The following PLD3 variants were observed in gnomAD, a reference collection of about 807,000 sequenced individuals.
PLD3 encodes the protein 5'-3' exonuclease PLD3.
Under a neutral mutation model 58.4 loss-of-function variants are expected in PLD3, and 31 were observed. That is an observed-to-expected ratio of 0.53 (90% CI 0.40 to 0.72). The LOEUF (loss-of-function observed/expected upper bound fraction) is 0.72, where lower values mean the gene tolerates loss of function less well. Ranked by LOEUF, PLD3 falls within the 30% of genes least tolerant of loss-of-function variation. PLD3 has a pLI of 0.00. For missense variants in PLD3, 595 were observed against 659.8 expected (o/e 0.90, Z 1.08); for synonymous variants, 264 against 273.4 (o/e 0.97, Z 0.34).
intron 3 of PLD3, 36 bp downstream of exon 3, chr19:40,366,546 G>T: frequency 6.2e-7 from 1 of 1,602,532 alleles, no homozygotes; most frequent in Non-Finnish European, 8.5e-7. Context: ...GGTGGAACTG[G>T]GTACAGTGGG....
Position 40,367,794 on chromosome 19 carries a change from G to A in PLD3, c.344G>A (p.Gly115Asp), listed in dbSNP as rs1419333671. The change falls in exon 6 of 13, where the codon GGT (glycine) becomes GAT (aspartate). Residue 115 changes from glycine to aspartate, a missense_variant. By Grantham distance (94) the Gly-to-Asp change is moderately conservative. Transcript: ENST00000409735. ...CAGGCCTGGCTGGGCCTGCTCGCCGGTGCGCACAGCAGCCTGGACATCGCC... is the reference window on the plus strand; with the variant it reads ...CAGGCCTGGCTGGGCCTGCTCGCCGATGCGCACAGCAGCCTGGACATCGCC... ...TSQAWLGLLA[G>D]AHSSLDIASF... 6.2e-7 allele frequency: 1 copy of A among 1,611,320 alleles called. No homozygotes were observed. The highest frequency in any genetic ancestry group is 1.7e-5 in the Admixed American group (1 of 59,760).
intron 1 of PLD3, among the ~76,000 whole-genome samples, chr19:40,364,159 G>A (rs1037906678): frequency 1.6e-4 from 24 of 150,078 alleles, no homozygotes; most frequent in Non-Finnish European, 3.0e-4. Context: ...TTCGAGACCA[G>A]CCTGGCCAAC....
intron 6 of PLD3, among the ~76,000 whole-genome samples, chr19:40,368,273 T>G (rs2078978835): frequency 6.6e-6 from 1 of 152,136 alleles, no homozygotes; most frequent in Non-Finnish European, 1.5e-5. Flanking sequence ...CAGCTTCAGT[T>G]TCTTTATCTG....
At chr19:40,373,432 C>T (rs1228413434) in intron 9 of PLD3, among the ~76,000 whole-genome samples, 1 of 151,984 alleles carries the variant, frequency 6.6e-6, no homozygotes, top group Admixed American at 6.6e-5. Context: ...CAAAAATTAG[C>T]CTGGAGGGGT....
In PLD3 at chr19:40,366,871, C is replaced by T. The variant is rs757908510; in HGVS notation, c.201C>T (p.Leu67=). The change falls in exon 5 of 13, where the codon CTC becomes CTT. Residue 67 remains leucine, a synonymous_variant. Transcript: ENST00000409735. ...TATGGGAATACGGCGACTTGCATCT[C>T]TTTGGGCCCAACCAGCGCCCAGCCC... ...LFLWEYGDLH[L]FGPNQRPAPC... 1 of 1,613,846 alleles carries T rather than the reference C, an allele frequency of 6.2e-7. No homozygotes were observed. Among genetic ancestry groups the T allele is most frequent in the South Asian group, 1.1e-5 (1 of 91,068 alleles).
At position 40,366,695 on chromosome 19, in the gene PLD3, T is replaced by G. The variant is rs201086671; in HGVS notation, c.102+11T>G. On this transcript the variant is annotated intron_variant, in intron 4 of 12. Coordinates refer to ENST00000409735, the MANE Select transcript of PLD3 (RefSeq NM_012268.4). The stretch of plus-strand genomic sequence containing the variant: ...AAGGCTGCGGAAAAGGTAGGAGCCC[T>G]CCGCCACCCTCGCTCTGTCTCAGAG... 1.6e-4 allele frequency: 259 copies of G among 1,611,530 alleles called. 1 individual carries two copies. The highest frequency in any genetic ancestry group is 1.4e-3 in the African/African-American group (106 of 74,936).
intron 1 of PLD3, among the ~76,000 whole-genome samples, chr19:40,351,141 G>C (rs1339895692): frequency 6.6e-6 from 1 of 151,912 alleles, no homozygotes; most frequent in Non-Finnish European, 1.5e-5. Flanking sequence ...AGAGGTGGGG[G>C]GATCGCTTGA....
chr19:40,367,002 C>A, intron 5 of PLD3, 87 bp downstream of exon 5: 3 of 1,431,904 alleles, frequency 2.1e-6, no homozygotes, highest in East Asian at 4.7e-5. Flanking sequence ...CTGCACTCAG[C>A]CCTACCCAGC....
At position 40,350,945 on chromosome 19, in the gene PLD3, A is replaced by G. The variant is rs540960333; in HGVS notation, c.-279+2177A>G. On this transcript the variant is annotated intron_variant, in intron 1 of 12. Transcript: ENST00000409735. ...ATTTGAAACAAATACTTGAAGGAGAAGAGAGAGTAGGGCTGGGCACGGTGG... is the reference window on the plus strand; with the variant it reads ...ATTTGAAACAAATACTTGAAGGAGAGGAGAGAGTAGGGCTGGGCACGGTGG... Among the ~76,000 whole-genome samples the G allele has an allele frequency of 2.0e-5, 3 of 152,192 alleles. No individual in the cohort carries two copies. The South Asian group carries it at 6.2e-4, about 31-fold the overall frequency.
At chr19:40,370,462 C>G in intron 8 of PLD3, 1 of 426,448 alleles carries the variant, frequency 2.3e-6, no homozygotes, top group South Asian at 3.1e-5. Flanking sequence ...TGCTTGAGCC[C>G]AGGAGTTGGA....
At chr19:40,363,459 G>C (rs1320782075) in intron 1 of PLD3, among the ~76,000 whole-genome samples, 2 of 152,016 alleles carry the variant, frequency 1.3e-5, no homozygotes, top group African/African-American at 4.8e-5. Context: ...ACGGAGTCTC[G>C]CTCTGTTTTA....
At chr19:40,356,236 C>CAAAA (rs2078653686) in intron 1 of PLD3, 1 of 152,278 alleles carries the variant, frequency 6.6e-6, no homozygotes, top group African/African-American at 2.4e-5. Context: ...GAGAGTAGGC[C>CAAAA]AAAGAGGTCA....
chr19:40,369,833 A>G (rs1404987633), intron 6 of PLD3, 75 bp from the exon 7 acceptor site: 2 of 1,379,468 alleles, frequency 1.4e-6, no homozygotes, highest in Non-Finnish European at 1.9e-6. Context: ...TCTCAAAATA[A>G]CTCCACCGGG....
intron 1 of PLD3, among the ~76,000 whole-genome samples, chr19:40,362,298 A>C (rs1416166108): frequency 1.3e-5 from 2 of 152,244 alleles, no homozygotes; most frequent in African/African-American, 4.8e-5. Flanking sequence ...AAGAGCACAG[A>C]GGTGTTGTCA....
At chr19:40,363,064 C>T (rs2078826116) in intron 1 of PLD3, among the ~76,000 whole-genome samples, 1 of 151,974 alleles carries the variant, frequency 6.6e-6, no homozygotes, top group African/African-American at 2.4e-5. Context: ...GGTGCCAGGC[C>T]TTTCTCCTTA....
intron 6 of PLD3, 133 bp downstream of exon 6, chr19:40,368,012 G>T: frequency 1.3e-6 from 1 of 760,112 alleles, no homozygotes; most frequent in Non-Finnish European, 2.1e-6. Context: ...ATTGGACACA[G>T]GTGTTTGCAA....
At chr19:40,370,291 C>A in intron 8 of PLD3, 54 bp downstream of exon 8, 1 of 1,561,294 alleles carries the variant, frequency 6.4e-7, no homozygotes, top group Admixed American at 1.8e-5. Flanking sequence ...CCCCACAGGG[C>A]ACCCAGCCTC....
intron 10 of PLD3, among the ~76,000 whole-genome samples, chr19:40,375,390 C>T (rs1337089540): frequency 7.2e-5 from 11 of 151,874 alleles, no homozygotes; most frequent in African/African-American, 2.7e-4. Context: ...GTGGCTCACA[C>T]CTGTAATCCC....
intron 11 of PLD3, 69 bp from the exon 12 acceptor site, chr19:40,377,717 C>T: frequency 1.8e-6 from 2 of 1,129,192 alleles, no homozygotes; most frequent in Non-Finnish European, 2.7e-6. Context: ...ACACTCTGCT[C>T]CCTGATCCCG....
Sources: allele counts gnomAD v4.1 joint callset (sites outside exome capture counted in the v4.1 genomes callset), GRCh38; gene constraint gnomAD v4.1.1; transcripts MANE v1.5; gene names NCBI Gene and HGNC (gene_info 2026-07-23, HGNC 2026-07-21).